Variants in IPCEF1 observed in about 807,000 individuals in gnomAD.
The protein encoded by IPCEF1 is interactor protein for cytohesin exchange factors 1.
IPCEF1 carries 31 observed loss-of-function variants against 50.9 expected under a neutral mutation model. The ratio of observed to expected loss-of-function variants is 0.61; its 90% confidence interval spans 0.46 to 0.82. The LOEUF is 0.82. Among genes scored for constraint, IPCEF1 ranks in the 40% least tolerant of loss-of-function variants. IPCEF1 has a pLI of 0.00. For missense variants in IPCEF1, 458 were observed against 514.0 expected (o/e 0.89, Z 1.05); for synonymous variants, 181 against 192.0 (o/e 0.94, Z 0.47).
At chr6:154,311,471 G>A (rs1252814102) in intron 1 of IPCEF1, among the ~76,000 whole-genome samples, 1 of 152,132 alleles carries the variant, frequency 6.6e-6, no homozygotes, top group Admixed American at 6.5e-5. Context: ...CATATTTCAA[G>A]CTAGACCTCT....
At position 154,168,169 on chromosome 6, in the gene IPCEF1, G is replaced by A. The variant is rs932796654; in HGVS notation, c.911-56C>T. The A allele has an allele frequency of 2.9e-6, 4 of 1,365,546 alleles. No individual in the cohort carries two copies. Among genetic ancestry groups the A allele is most frequent in the African/African-American group, 2.9e-5 (2 of 68,934 alleles). The allele number at this position is 1,365,546 out of a possible 1,614,324, so 84.6% of individuals were successfully genotyped here. A position where few individuals can be genotyped will look rare whatever the true frequency, so the allele number is the denominator to read the frequency against. On this transcript the variant is annotated intron_variant, in intron 10 of 11. Transcript: ENST00000367220. This position sits in a 1 kb window ranked among gnomAD's most constrained non-coding sequence, Gnocchi z 4.1. ...AATAAACCCAGTGAAAAATCAAGGAGAGAACATTCAATACTGTGGTCCCAA... is the reference window on the plus strand; with the variant it reads ...AATAAACCCAGTGAAAAATCAAGGAAAGAACATTCAATACTGTGGTCCCAA...
chr6:154,188,677 G>A (rs1186792664), intron 10 of IPCEF1, among the ~76,000 whole-genome samples: 1 of 152,202 alleles, frequency 6.6e-6, no homozygotes, highest in Non-Finnish European at 1.5e-5. Flanking sequence ...TAGAAAAAGT[G>A]GCCCACTGGG....
intron 1 of IPCEF1, among the ~76,000 whole-genome samples, chr6:154,344,393 C>T (rs926827894): frequency 9.2e-5 from 14 of 152,148 alleles, no homozygotes; most frequent in African/African-American, 3.4e-4. Context: ...ATCATTATCA[C>T]CAAAGATACT....
intron 1 of IPCEF1, among the ~76,000 whole-genome samples, chr6:154,291,841 C>G (rs1021540526): frequency 1.3e-5 from 2 of 151,958 alleles, no homozygotes; most frequent in African/African-American, 4.8e-5. Flanking sequence ...CCCACCACCA[C>G]GCCCGGCTAA....
chr6:154,171,606 G>A (rs998846899), intron 10 of IPCEF1, among the ~76,000 whole-genome samples: 4 of 152,200 alleles, frequency 2.6e-5, no homozygotes, highest in Non-Finnish European at 4.4e-5. Flanking sequence ...ACTTTCATGT[G>A]TGAATGTTAT....
chr6:154,182,627 C>T (rs915201789), intron 10 of IPCEF1, among the ~76,000 whole-genome samples: 14 of 152,136 alleles, frequency 9.2e-5, no homozygotes, highest in African/African-American at 2.7e-4. Flanking sequence ...GATATTTGAT[C>T]GCCTTTTTTT....
At chr6:154,355,814 CTT>C (rs75948011) in intron 1 of IPCEF1, among the ~76,000 whole-genome samples, 2 of 146,356 alleles carry the variant, frequency 1.4e-5, no homozygotes, top group Non-Finnish European at 3.0e-5. Context: ...TCTTTTCTTT[CTT>C]TTTTTTTTTC....
intron 3 of IPCEF1, 151 bp from the exon 4 acceptor site, chr6:154,247,639 C>G (rs1258020409): frequency 1.7e-6 from 1 of 573,388 alleles, no homozygotes; most frequent in Non-Finnish European, 3.1e-6. Flanking sequence ...GAGCTACTAG[C>G]TGAGGCACAA....
At chr6:154,184,212 G>C (rs1449299258) in intron 10 of IPCEF1, among the ~76,000 whole-genome samples, 1 of 151,852 alleles carries the variant, frequency 6.6e-6, no homozygotes, top group Non-Finnish European at 1.5e-5. Context: ...AAAAATAGCT[G>C]TATCAGCTAT....
At chr6:154,316,349 G>T (rs77439250) in intron 1 of IPCEF1, among the ~76,000 whole-genome samples, 20 of 152,108 alleles carry the variant, frequency 1.3e-4, no homozygotes, top group African/African-American at 4.8e-4. Context: ...TCACTTTATT[G>T]TGATACTTAC....
Position 154,323,150 on chromosome 6 carries a change from C to A in IPCEF1, c.-61-33394G>T, listed in dbSNP as rs115835664. Among the ~76,000 whole-genome samples, 679 of 152,222 alleles carry A rather than the reference C, an allele frequency of 4.5e-3. 4 individuals are homozygous for A. The highest frequency in any genetic ancestry group is 0.015 in the African/African-American group (624 of 41,550). The stretch of plus-strand genomic sequence containing the variant: ...ACCCTGCCCAGTTTCCAACTCCCAG[C>A]ATCTGAGTCCCTTTGCCTGAGGCCT... On this transcript the variant is annotated intron_variant, in intron 1 of 11. Transcript: ENST00000367220.
chr6:154,346,424 T>A lies in IPCEF1; in HGVS notation c.-62+10248A>T, dbSNP rs182136949. Among the ~76,000 whole-genome samples the A allele has an allele frequency of 4.6e-5, 7 of 152,356 alleles. No homozygotes were observed. In the East Asian group the frequency reaches 1.3e-3, roughly 29 times the overall value. Reference sequence around the variant, plus strand: ...TCAAAGTGTTTGCCTAAAGAGATTATTTCTTCCCTCCTTTTTTCTAAATTG... The same window carrying A: ...TCAAAGTGTTTGCCTAAAGAGATTAATTCTTCCCTCCTTTTTTCTAAATTG... On this transcript the variant is annotated intron_variant, in intron 1 of 11. Coordinates refer to ENST00000367220, the MANE Select transcript of IPCEF1 (RefSeq NM_001130700.2).
At chr6:154,181,937 G>A (rs577569439) in intron 10 of IPCEF1, among the ~76,000 whole-genome samples, 1 of 152,310 alleles carries the variant, frequency 6.6e-6, no homozygotes, top group South Asian at 2.1e-4. Context: ...CTTAGAAGAT[G>A]AGAACGTCAA....
In IPCEF1 at chr6:154,337,275, G is replaced by C. The variant is rs181274588; in HGVS notation, c.-62+19397C>G. ...ATAGAGCAAAAGCGGAAAGAAAAAG[G>C]CTAGAAAAAGACTTTTGAGAAAACA... On this transcript the variant is annotated intron_variant, in intron 1 of 11. Transcript: ENST00000367220. 6.6e-5 allele frequency among the ~76,000 whole-genome samples: 10 copies of C among 152,288 alleles called. No individual in the cohort carries two copies. The East Asian group carries it at 1.5e-3, about 23-fold the overall frequency.
intron 7 of IPCEF1, chr6:154,217,621 G>A (rs1056499533): frequency 6.6e-5 from 10 of 152,076 alleles, no homozygotes; most frequent in Admixed American, 1.3e-4. Context: ...TGTCTGACAC[G>A]AATACGTTTT....
chr6:154,165,998 C>T (rs1799395164), intron 11 of IPCEF1, among the ~76,000 whole-genome samples: 1 of 152,244 alleles, frequency 6.6e-6, no homozygotes. Context: ...AAACTGATCC[C>T]TCTCCATGGA....
At chr6:154,336,350 A>C (rs1467922851) in intron 1 of IPCEF1, among the ~76,000 whole-genome samples, 1 of 152,228 alleles carries the variant, frequency 6.6e-6, no homozygotes, top group Non-Finnish European at 1.5e-5. Context: ...AAAAAGAATG[A>C]AATCATGTCA....
chr6:154,330,454 G>A (rs1415800012), intron 1 of IPCEF1, among the ~76,000 whole-genome samples: 2 of 149,174 alleles, frequency 1.3e-5, no homozygotes, highest in Admixed American at 6.8e-5. Flanking sequence ...CTCCCACCTC[G>A]GTCCCCCGAG....
intron 9 of IPCEF1, among the ~76,000 whole-genome samples, chr6:154,209,271 A>G (rs1180942909): frequency 6.6e-6 from 1 of 152,220 alleles, no homozygotes; most frequent in East Asian, 1.9e-4. Context: ...TTGGGGAAAA[A>G]AATATTTTTG....
Sources: gnomAD v4.1 joint callset for allele counts (sites outside exome capture counted in the v4.1 genomes callset) on GRCh38, gnomAD v4.1.1 for gene constraint, Gnocchi (gnomAD v3.1) non-coding constraint, MANE v1.5 for transcripts, NCBI Gene and HGNC (gene_info 2026-07-23, HGNC 2026-07-21) for gene names.